UBR4: variants seen among roughly 807,000 people sequenced by gnomAD.
The protein encoded by UBR4 is E3 ubiquitin-protein ligase UBR4.
UBR4 carries 124 observed loss-of-function variants against 575.6 expected under a neutral mutation model. That is an observed-to-expected ratio of 0.22 (90% CI 0.19 to 0.25). The LOEUF (loss-of-function observed/expected upper bound fraction) is 0.25. UBR4 is among the 10% of genes least tolerant of loss of function. The pLI is 1.00. For synonymous variants in UBR4, 2,455 were observed against 2,473.7 expected, an observed-to-expected ratio of 0.99 and a Z score of 0.22; for missense variants, 4,818 against 6,478.8, an observed-to-expected ratio of 0.74 and a Z score of 8.80.
rs866918854 is a variant in UBR4 at position 19,123,038 on chromosome 1, G to A, written c.9611C>T (p.Pro3204Leu). Reference sequence around the variant, plus strand: ...TTTGCGGACTTGACGGCGCACAAATGGAGTCTGCTGGATCATGAGGTACTT... The same window carrying A: ...TTTGCGGACTTGACGGCGCACAAATAGAGTCTGCTGGATCATGAGGTACTT... Reference protein sequence around the residue: ...LSEYLMIQQTPFVRRQVRKLL... With the variant: ...LSEYLMIQQTLFVRRQVRKLL... The change falls in exon 66 of 106, where the codon CCA (proline) becomes CTA (leucine). Residue 3204 changes from proline (P) to leucine (L), a missense_variant. Around this residue, in one of 29 missense-constraint regions of UBR4, gnomAD observed 550 missense variants for 791.5 expected, o/e 0.69. Transcript: ENST00000375254. 1 of 1,614,188 alleles carries A rather than the reference G, an allele frequency of 6.2e-7. No individual in the cohort carries two copies. The highest frequency in any genetic ancestry group is 8.5e-7 in the Non-Finnish European group (1 of 1,180,024).
chr1:19,165,853 A>C (rs903515148), intron 29 of UBR4, 96 bp from the exon 30 acceptor site: 2 of 1,070,406 alleles, frequency 1.9e-6, no homozygotes, highest in African/African-American at 3.2e-5. Flanking sequence ...TGTCTGTTTG[A>C]CCTTGAGGGC....
At chr1:19,207,777 A>G (rs76865882) in intron 1 of UBR4, among the ~76,000 whole-genome samples, 2 of 139,246 alleles carry the variant, frequency 1.4e-5, no homozygotes, top group Non-Finnish European at 3.2e-5. Context: ...AGAGTGGTTG[A>G]AAAAAAAAAA....
In UBR4 at chr1:19,120,216, C is replaced by G; in HGVS notation, c.10274G>C (p.Arg3425Pro). ...FLLESNSSSV[R>P]WQAHCLTLHI... is the part of the protein sequence containing the mutation. ...CAGTGTCAGACAGTGGGCCTGCCAG[C>G]GCACCGAGGAAGAATTGGACTCTAA... The change falls in exon 69 of 106, where the codon CGC becomes CCC. Residue 3425 changes from arginine (R) to proline (P), a missense_variant. This residue lies in a region of UBR4 where 550 missense variants were observed against 791.5 expected (regional missense o/e 0.69). Transcript: ENST00000375254. 1 of 1,614,160 alleles carries G rather than the reference C, an allele frequency of 6.2e-7. No individual in the cohort carries two copies. The highest frequency in any genetic ancestry group is 8.5e-7 in the Non-Finnish European group (1 of 1,180,016).
At position 19,110,004 on chromosome 1, in the gene UBR4, G is replaced by A. The variant is rs2079661770; in HGVS notation, c.12105+92C>T. On this transcript the variant is annotated intron_variant, in intron 81 of 105. Coordinates refer to ENST00000375254, the MANE Select transcript of UBR4 (RefSeq NM_020765.3). This position sits in a 1 kb window ranked among gnomAD's most constrained non-coding sequence, Gnocchi z 4.5. ...TCAGGGGAGGTGGGCTCAAGGCAAA[G>A]CGGAGACCATGAGGAGGCAGGGCAC... 5.7e-6 allele frequency: 9 copies of A among 1,578,778 alleles called. No individual in the cohort carries two copies. The highest frequency in any genetic ancestry group is 6.9e-6 in the Non-Finnish European group (8 of 1,159,292).
At chr1:19,165,443 A>G in intron 30 of UBR4, 94 bp from the exon 31 acceptor site, 1 of 1,209,758 alleles carries the variant, frequency 8.3e-7, no homozygotes, top group Non-Finnish European at 1.2e-6. Context: ...CTCTGGGGAA[A>G]ATGACCACTT....
chr1:19,163,633 A>T (rs1443754656), intron 34 of UBR4, 131 bp downstream of exon 34: 1 of 1,026,818 alleles, frequency 9.7e-7, no homozygotes, highest in East Asian at 2.4e-5. Flanking sequence ...CCAGTCTTTG[A>T]GATTATCAGC....
chr1:19,122,169 G>C (rs1207469168), intron 66 of UBR4, among the ~76,000 whole-genome samples, 157 bp from the exon 67 acceptor site: 1 of 152,132 alleles, frequency 6.6e-6, no homozygotes, highest in African/African-American at 2.4e-5. Flanking sequence ...TGGTCAACCT[G>C]GGACCATGAC....
intron 15 of UBR4, 102 bp downstream of exon 15, chr1:19,184,997 A>C (rs1313887387): frequency 2.1e-6 from 3 of 1,398,034 alleles, no homozygotes; most frequent in Admixed American, 1.9e-5. Flanking sequence ...TTTAAACATT[A>C]CAGTTATCCA....
At chr1:19,097,348 T>A in intron 90 of UBR4, 68 bp from the exon 91 acceptor site, 5 of 1,420,712 alleles carry the variant, frequency 3.5e-6, no homozygotes, top group Non-Finnish European at 4.8e-6. Context: ...ACTCCATACT[T>A]GGTCTTGCTT....
intron 60 of UBR4, among the ~76,000 whole-genome samples, chr1:19,132,023 A>G (rs1421633082): frequency 6.6e-6 from 1 of 152,260 alleles, no homozygotes; most frequent in East Asian, 1.9e-4. Context: ...CCATGGGCCA[A>G]AGACTAAATT....
At chr1:19,095,434 A>T (rs1570394143) in intron 93 of UBR4, 111 bp downstream of exon 93, 2 of 1,037,112 alleles carry the variant, frequency 1.9e-6, no homozygotes, top group East Asian at 4.9e-5. Context: ...CAGAGAGATG[A>T]AGGGCTTGAA....
At chr1:19,197,867 T>C in intron 6 of UBR4, 56 bp from the exon 7 acceptor site, 2 of 1,612,692 alleles carry the variant, frequency 1.2e-6, no homozygotes, top group Non-Finnish European at 1.7e-6. Flanking sequence ...TGCTTGATTC[T>C]TATCCATATG....
Position 19,121,950 on chromosome 1 carries a change from G to C in UBR4, c.9879C>G (p.Phe3293Leu). Residue 3293 changes from phenylalanine (F) to leucine (L), a missense_variant, in exon 67 of 106, where the codon TTC (phenylalanine) becomes TTG (leucine). Phe to Leu is a conservative substitution (Grantham distance 22, BLOSUM62 0). This residue lies in a region of UBR4 where 550 missense variants were observed against 791.5 expected (regional missense o/e 0.69). Transcript: ENST00000375254. ...AAQRTINWQK[F>L]CIKDDSVLYF... ...ATTGCTTACAGTCATCTTTGATGCAGAATTTCTGCCAGTTGATGGTTCGCT... is the reference window on the plus strand; with the variant it reads ...ATTGCTTACAGTCATCTTTGATGCACAATTTCTGCCAGTTGATGGTTCGCT... 6.2e-7 allele frequency: 1 copy of C among 1,614,180 alleles called. No homozygotes were observed. Among genetic ancestry groups the C allele is most frequent in the Middle Eastern group, 1.6e-4 (1 of 6,062 alleles).
intron 17 of UBR4, 32 bp from the exon 18 acceptor site, chr1:19,179,252 C>G: frequency 6.6e-7 from 1 of 1,511,362 alleles, no homozygotes; most frequent in South Asian, 1.4e-5. Context: ...AGAACATTAG[C>G]AAACAGATAC....
chr1:19,089,447 G>A lies in UBR4; in HGVS notation c.14212-470C>T, dbSNP rs1254984318. On this transcript the variant is annotated intron_variant, in intron 97 of 105. Coordinates refer to ENST00000375254, the MANE Select transcript of UBR4 (RefSeq NM_020765.3). The surrounding 1 kb of genome is among the most constrained non-coding windows in gnomAD (Gnocchi z 4.3). ...GAGCCCCTGGGTCCACCAAACCTAG[G>A]AGCACAGTTTTCTCAGGCTAGGGAT... is the stretch of plus-strand genomic sequence containing the variant. Among the ~76,000 whole-genome samples the A allele has an allele frequency of 3.9e-5, 6 of 152,176 alleles. No homozygotes were observed. Among genetic ancestry groups the A allele is most frequent in the Non-Finnish European group, 7.4e-5 (5 of 68,024 alleles).
intron 64 of UBR4, 137 bp downstream of exon 64, chr1:19,126,304 CCGAGA>C: frequency 2.1e-6 from 2 of 931,888 alleles, no homozygotes; most frequent in Non-Finnish European, 3.3e-6. Context: ...TTCAATCACG[CCGAGA>C]TTAACCCCCA....
rs750416938 is a variant in UBR4 at position 19,177,753 on chromosome 1, A to G, written c.2355-10T>C. ...CATTGTAGACAAAAACCTACCAGAG[A>G]GAAAAGATGACTATATCTGGTGGGA... On this transcript the variant is annotated splice_polypyrimidine_tract_variant and intron_variant, in intron 18 of 105. Transcript: ENST00000375254. 6.2e-7 allele frequency: 1 copy of G among 1,609,598 alleles called. No homozygotes were observed. The highest frequency in any genetic ancestry group is 1.1e-5 in the South Asian group (1 of 90,948).
rs1295842006 is a variant in UBR4 at position 19,153,164 on chromosome 1, T to G, written c.6832+137A>C. The G allele has an allele frequency of 2.8e-6, 3 of 1,073,998 alleles. No homozygotes were observed. The African/African-American group carries it at 4.7e-5, about 17-fold the overall frequency. The allele number at this position is 1,073,998 out of a possible 1,614,324, so 66.5% of individuals were successfully genotyped here. A position where few individuals can be genotyped will look rare whatever the true frequency, so the allele number is the denominator to read the frequency against. On this transcript the variant is annotated intron_variant, in intron 46 of 105. Transcript: ENST00000375254. This position sits in a 1 kb window ranked among gnomAD's most constrained non-coding sequence, Gnocchi z 4.1. ...ACATTTGGAAACATAACTCTGCTTT[T>G]GGGAAATTAACTTTACAAAATGTGC...
chr1:19,207,135 G>GA (rs1362001155), intron 1 of UBR4, among the ~76,000 whole-genome samples: 1 of 152,148 alleles, frequency 6.6e-6, no homozygotes, highest in South Asian at 2.1e-4. Context: ...TTTAACAAGA[G>GA]AAAAAAACCA....
Sources: allele counts gnomAD v4.1 joint callset (sites outside exome capture counted in the v4.1 genomes callset), GRCh38; gene constraint gnomAD v4.1.1; regional missense constraint gnomAD v4.1.1; non-coding constraint Gnocchi (gnomAD v3.1); transcripts MANE v1.5; gene names NCBI Gene and HGNC (gene_info 2026-07-23, HGNC 2026-07-21).